Variants in FAM47E observed in about 807,000 individuals in gnomAD.
FAM47E encodes the protein family with sequence similarity 47 member E, also known as protein FAM47E.
A neutral mutation model predicts 41.6 loss-of-function variants in FAM47E; 32 were observed. The ratio of observed to expected loss-of-function variants is 0.77; its 90% CI spans 0.58 to 1.03. FAM47E has a LOEUF of 1.03. FAM47E is among the 50% of genes least tolerant of loss of function. The pLI, the probability that FAM47E is intolerant of heterozygous loss-of-function variation, is 0.00. For synonymous variants in FAM47E, 184 were observed against 188.7 expected, an observed-to-expected ratio of 0.98 and a Z score of 0.20; for missense variants, 424 against 485.4, an observed-to-expected ratio of 0.87 and a Z score of 1.19.
At position 76,270,428 on chromosome 4, in the gene FAM47E, A is replaced by G. The variant is rs1337353109; in HGVS notation, c.670-1140A>G. Among the ~76,000 whole-genome samples the G allele has an allele frequency of 3.9e-5, 6 of 152,196 alleles. No homozygotes were observed. In the South Asian group the frequency reaches 1.2e-3, roughly 32 times the overall value. ...TGACACACACCTAACCCTGAAGCCA[A>G]GAGTGGGGGTGTCCAGCCCAGCTGC... On this transcript the variant is annotated intron_variant, in intron 4 of 7. Coordinates refer to ENST00000424749, the MANE Select transcript of FAM47E (RefSeq NM_001136570.3).
At chr4:76,280,678 A>T (rs1735310183) in intron 7 of FAM47E, 1 of 183,940 alleles carries the variant, frequency 5.4e-6, no homozygotes, top group Non-Finnish European at 1.1e-5. Flanking sequence ...CAACACCCTG[A>T]ATTCTCTAGG....
intron 2 of FAM47E, among the ~76,000 whole-genome samples, chr4:76,240,294 G>A (rs534761415): frequency 6.6e-6 from 1 of 152,250 alleles, no homozygotes; most frequent in African/African-American, 2.4e-5. Context: ...CCTTATATGT[G>A]ATGATCACTT....
chr4:76,275,949 G>T (rs1735079497), intron 5 of FAM47E, among the ~76,000 whole-genome samples: 2 of 151,916 alleles, frequency 1.3e-5, no homozygotes, highest in African/African-American at 2.4e-5. Flanking sequence ...CACCACTTGG[G>T]GGATGCTATT....
At chr4:76,217,347 T>C (rs1241484081) in intron 1 of FAM47E, among the ~76,000 whole-genome samples, 1 of 152,152 alleles carries the variant, frequency 6.6e-6, no homozygotes, top group Non-Finnish European at 1.5e-5. Flanking sequence ...GGATTTGTGT[T>C]CCCTCCAAAT....
At chr4:76,248,272 T>C (rs941207526), upstream of FAM47E, among the ~76,000 whole-genome samples, 3 of 152,076 alleles carry the variant, frequency 2.0e-5, no homozygotes, top group African/African-American at 7.3e-5. Context: ...TTTAATGAAG[T>C]CCAATTTATC....
At chr4:76,247,910 CT>C (rs753751295), upstream of FAM47E, among the ~76,000 whole-genome samples, 1,965 of 86,718 alleles carry the variant, frequency 0.023, 27 homozygotes, top group African/African-American at 0.078. Flanking sequence ...CACTCTCTCT[CT>C]TTTTTTTTTT....
chr4:76,222,945 C>T (rs1305269639), intron 2 of FAM47E, among the ~76,000 whole-genome samples: 2 of 152,146 alleles, frequency 1.3e-5, no homozygotes, highest in East Asian at 1.9e-4. Context: ...CAGGTGAAGC[C>T]TCGTGCATGG....
At position 76,256,407 on chromosome 4, in the gene FAM47E, T is replaced by C; in HGVS notation, c.304T>C (p.Ser102Pro). ...GCTGCTCAAGGAAGCAGACGTGCTT[T>C]CCAAGCTCTCGCCAGCCCAGCAGGC... ...IKLLKEADVL[S>P]KLSPAQQARK... Residue 102 changes from serine to proline, a missense_variant, in exon 2 of 8, where the codon TCC (serine) becomes CCC (proline). Ser to Pro is a moderately conservative substitution (Grantham distance 74, BLOSUM62 -1). Transcript: ENST00000424749. The C allele has an allele frequency of 6.4e-7, 1 of 1,552,278 alleles. No individual in the cohort carries two copies. Among genetic ancestry groups the C allele is most frequent in the Non-Finnish European group, 8.7e-7 (1 of 1,147,390 alleles).
intron 2 of FAM47E, among the ~76,000 whole-genome samples, chr4:76,257,047 C>T (rs1429324174): frequency 1.3e-5 from 2 of 152,164 alleles, no homozygotes; most frequent in African/African-American, 2.4e-5. Context: ...CAGGCCTCTC[C>T]TGACTTTAGC....
intron 2 of FAM47E, among the ~76,000 whole-genome samples, chr4:76,232,108 C>T (rs1733503064): frequency 6.6e-6 from 1 of 152,156 alleles, no homozygotes; most frequent in South Asian, 2.1e-4. Context: ...AAACATGCTT[C>T]AAATTTTGGT....
intron 2 of FAM47E, among the ~76,000 whole-genome samples, chr4:76,235,308 A>C (rs1733568471): frequency 6.6e-6 from 1 of 152,128 alleles, no homozygotes; most frequent in Non-Finnish European, 1.5e-5. Context: ...ATAGAGCGAG[A>C]CTCCGTCTCA....
intron 1 of FAM47E, among the ~76,000 whole-genome samples, chr4:76,216,006 C>G (rs893273387): frequency 6.6e-6 from 1 of 152,194 alleles, no homozygotes; most frequent in African/African-American, 2.4e-5. Context: ...GCTACCAAAG[C>G]TCTTCAAGCA....
chr4:76,238,588 A>C (rs1733636493), intron 2 of FAM47E, among the ~76,000 whole-genome samples: 1 of 152,326 alleles, frequency 6.6e-6, no homozygotes, highest in Admixed American at 6.5e-5. Flanking sequence ...GAGCGGACTT[A>C]AAGGGGGCAA....
upstream of FAM47E, among the ~76,000 whole-genome samples, chr4:76,248,768 T>C (rs1398753659): frequency 6.7e-6 from 1 of 149,992 alleles, no homozygotes; most frequent in African/African-American, 2.5e-5. Flanking sequence ...CATACCATAA[T>C]TGTAGTCATT....
At chr4:76,214,101 C>T in exon 1 of FAM47E, 2 of 392,688 alleles carry the variant, frequency 5.1e-6, no homozygotes, top group Non-Finnish European at 5.1e-6. Context: ...GGTTCACACA[C>T]TCATTTACTC....
chr4:76,250,750 G>T (rs1454346075), upstream of FAM47E, among the ~76,000 whole-genome samples: 1 of 152,116 alleles, frequency 6.6e-6, no homozygotes, highest in East Asian at 1.9e-4. Flanking sequence ...TAATTATAAT[G>T]ATTACCTACA....
intron 1 of FAM47E, 93 bp from the exon 2 acceptor site, chr4:76,256,085 T>C (rs1212655138): frequency 4.9e-6 from 7 of 1,417,446 alleles, no homozygotes; most frequent in Non-Finnish European, 5.6e-6. Context: ...GAGACCAGCC[T>C]TTTTACTACC....
chr4:76,254,211 A>G (rs1384014907), intron 1 of FAM47E, among the ~76,000 whole-genome samples: 2 of 151,882 alleles, frequency 1.3e-5, no homozygotes, highest in African/African-American at 2.4e-5. Context: ...CTAACATTCT[A>G]TGAAGTTTCA....
chr4:76,266,385 T>A (rs1734637280), intron 3 of FAM47E, among the ~76,000 whole-genome samples: 1 of 152,206 alleles, frequency 6.6e-6, no homozygotes, highest in Non-Finnish European at 1.5e-5. Flanking sequence ...TATTCCTCCT[T>A]CTGTCTTCCC....
Sources: gnomAD v4.1 joint callset for allele counts (sites outside exome capture counted in the v4.1 genomes callset) on GRCh38, gnomAD v4.1.1 for gene constraint, MANE v1.5 for transcripts, NCBI Gene and HGNC (gene_info 2026-07-23, HGNC 2026-07-21) for gene names.